TMEM185B: variants seen among roughly 807,000 people sequenced by gnomAD.
TMEM185B encodes ee3_2.
Under a neutral mutation model 26.2 loss-of-function variants are expected in TMEM185B, and 9 were observed. That is an observed-to-expected ratio of 0.34 (90% CI 0.21 to 0.60). The LOEUF is 0.60. Among genes scored for constraint, TMEM185B ranks in the 20% least tolerant of loss-of-function variants. The pLI is 0.80. For missense variants in TMEM185B, 392 were observed against 447.9 expected (o/e 0.88, Z 1.13); for synonymous variants, 204 against 191.8 (o/e 1.06, Z -0.52).
chr2:120,219,933 GA>G lies in TMEM185B; in HGVS notation c.*1990del, dbSNP rs149329314. On this transcript the variant is annotated 3_prime_UTR_variant, in exon 1 of 1. Transcript: ENST00000426077. ...TTCAAGAAATATTGAGAATATGAAT[GA>G]ATCAATGAATCCTTATTTATAAAAA... Among the ~76,000 whole-genome samples, 221 of 152,274 alleles carry G rather than the reference GA, an allele frequency of 1.5e-3. 7 individuals are homozygous for G. The East Asian group carries it at 0.04, about 27-fold the overall frequency.
At position 120,218,416 on chromosome 2, in the gene TMEM185B, G is replaced by A. The variant is rs945976339; in HGVS notation, c.*3508C>T. On this transcript the variant is annotated 3_prime_UTR_variant, in exon 1 of 1. Transcript: ENST00000426077. ...TGGGTTTCCAGCCACACAACTTCCC[G>A]GATCCCTGTGAACTTGCTGGGCTTC... Among the ~76,000 whole-genome samples the A allele has an allele frequency of 3.3e-5, 5 of 152,198 alleles. No homozygotes were observed. The East Asian group carries it at 7.7e-4, about 23-fold the overall frequency.
rs1688524764 is a variant in TMEM185B at position 120,217,679 on chromosome 2, G to A, written c.*4245C>T. 6.6e-6 allele frequency among the ~76,000 whole-genome samples: 1 copy of A among 152,212 alleles called. No individual in the cohort carries two copies. The highest frequency in any genetic ancestry group is 2.4e-5 in the African/African-American group (1 of 41,454). ...TCATAGCTGCTTCCGCCTTCGGTCT[G>A]TTGCAGTATGGTATCCTGACTGAAG... On this transcript the variant is annotated 3_prime_UTR_variant, in exon 1 of 1. Coordinates refer to ENST00000426077, the MANE Select transcript of TMEM185B (RefSeq NM_024121.3).
At position 120,221,954 on chromosome 2, in the gene TMEM185B, AG is replaced by A; in HGVS notation, c.1022del (p.Pro341LeufsTer4). 12 of 1,531,676 alleles carry A rather than the reference AG, an allele frequency of 7.8e-6. No individual in the cohort carries two copies. The highest frequency in any genetic ancestry group is 9.6e-6 in the Non-Finnish European group (11 of 1,144,984). 94.9% of individuals were successfully genotyped at this position (1,531,676 alleles called of 1,614,324 possible). A position where few individuals can be genotyped will look rare whatever the true frequency, so the allele number is the denominator to read the frequency against. On this transcript the variant is annotated frameshift_variant, in exon 1 of 1. Transcript: ENST00000426077. LOFTEE classifies it high-confidence loss of function. ...CTGGCATATCAATATTTAACTTGGGAGGGGGGGGAACGTATTTCCCAGGGCT... is the reference window on the plus strand; with the variant it reads ...CTGGCATATCAATATTTAACTTGGGAGGGGGGGAACGTATTTCCCAGGGCT... ...TQSPGKYVPP[P>X]PKLNIDMPD
Position 120,218,588 on chromosome 2 carries a change from G to C in TMEM185B, c.*3336C>G, listed in dbSNP as rs1479097630. Reference sequence around the variant, plus strand: ...GCTGGGCTCCCTGCGCCCAGGCTTCGCCTTTCCAAAGCGCCTTGCATAGCC... The same window carrying C: ...GCTGGGCTCCCTGCGCCCAGGCTTCCCCTTTCCAAAGCGCCTTGCATAGCC... On this transcript the variant is annotated 3_prime_UTR_variant, in exon 1 of 1. Transcript: ENST00000426077. 6.6e-6 allele frequency among the ~76,000 whole-genome samples: 1 copy of C among 152,222 alleles called. No individual in the cohort carries two copies. The highest frequency in any genetic ancestry group is 1.5e-5 in the Non-Finnish European group (1 of 68,030).
At position 120,219,171 on chromosome 2, in the gene TMEM185B, G is replaced by A. The variant is rs764786002; in HGVS notation, c.*2753C>T. Among the ~76,000 whole-genome samples the A allele has an allele frequency of 7.4e-4, 112 of 152,218 alleles. No homozygotes were observed. Among genetic ancestry groups the A allele is most frequent in the Non-Finnish European group, 1.2e-3 (83 of 68,042 alleles). On this transcript the variant is annotated 3_prime_UTR_variant, in exon 1 of 1. Coordinates refer to ENST00000426077, the MANE Select transcript of TMEM185B (RefSeq NM_024121.3). The stretch of plus-strand genomic sequence containing the variant: ...TAGACTACCCAAGAATGGGAATCTA[G>A]TTGTAGACCACTGAGATTTCTGATG...
rs868151112 is a variant in TMEM185B at position 120,222,397 on chromosome 2, G to C, written c.580C>G (p.Leu194Val). ...ACATCCAGGGACCGCAGGAACAGGAGGGACCAGACGATGTAATAGAGGACG... is the reference window on the plus strand; with the variant it reads ...ACATCCAGGGACCGCAGGAACAGGACGGACCAGACGATGTAATAGAGGACG... ...LVVLYYIVWS[L>V]LFLRSLDVVA... Residue 194 changes from leucine (L) to valine (V), a missense_variant, in exon 1 of 1, where the codon CTC (leucine) becomes GTC (valine). This residue lies in a region of TMEM185B where 176 missense variants were observed against 201.6 expected (regional missense o/e 0.87). Coordinates refer to ENST00000426077, the MANE Select transcript of TMEM185B (RefSeq NM_024121.3). The C allele has an allele frequency of 4.6e-6, 7 of 1,536,104 alleles. No individual in the cohort carries two copies. The highest frequency in any genetic ancestry group is 2.6e-6 in the Non-Finnish European group (3 of 1,146,944).
chr2:120,221,802 G>A lies in TMEM185B; in HGVS notation c.*122C>T. On this transcript the variant is annotated 3_prime_UTR_variant, in exon 1 of 1. Transcript: ENST00000426077. ...ATCTATGATGCATACTGATGAGGCGGTGATCTCAAACACGGCGTGAGACGA... is the reference window on the plus strand; with the variant it reads ...ATCTATGATGCATACTGATGAGGCGATGATCTCAAACACGGCGTGAGACGA... The A allele has an allele frequency of 1.3e-6, 1 of 794,358 alleles. No individual in the cohort carries two copies. The highest frequency in any genetic ancestry group is 1.9e-6 in the Non-Finnish European group (1 of 514,826). The allele number at this position is 794,358 out of a possible 1,614,324, so 49.2% of individuals were successfully genotyped here.
rs1236805953 is a variant in TMEM185B, at chr2:120,221,218, C to A, written c.*706G>T. The A allele has an allele frequency of 6.6e-6, 1 of 152,196 alleles. No homozygotes were observed. The highest frequency in any genetic ancestry group is 1.5e-5 in the Non-Finnish European group (1 of 68,046). The allele number at this position is 152,196 out of a possible 1,614,324, so 9.4% of individuals were successfully genotyped here. ...CCTAGTACTTTGGTAAGATCCACAC[C>A]AGGCACATACTGTTTTATGCAGTTT... On this transcript the variant is annotated 3_prime_UTR_variant, in exon 1 of 1. Coordinates refer to ENST00000426077, the MANE Select transcript of TMEM185B (RefSeq NM_024121.3).
Position 120,218,672 on chromosome 2 carries a change from G to A in TMEM185B, c.*3252C>T, listed in dbSNP as rs942588217. Among the ~76,000 whole-genome samples, 2 of 151,582 alleles carry A rather than the reference G, an allele frequency of 1.3e-5. No homozygotes were observed. Among genetic ancestry groups the A allele is most frequent in the African/African-American group, 2.4e-5 (1 of 41,434 alleles). The stretch of plus-strand genomic sequence containing the variant: ...AAAACTGTCCCGTGTGGAGTACTCC[G>A]GCCTCACCACTGCTAACTGAGGGGC... On this transcript the variant is annotated 3_prime_UTR_variant, in exon 1 of 1. Coordinates refer to ENST00000426077, the MANE Select transcript of TMEM185B (RefSeq NM_024121.3).
In TMEM185B at chr2:120,217,753, T is replaced by C. The variant is rs1688526150; in HGVS notation, c.*4171A>G. ...GAAGGACCTTGAGGACCCTCAGGGG[T>C]CCTTGGACCACACTGCCGAGGGCAT... On this transcript the variant is annotated 3_prime_UTR_variant, in exon 1 of 1. Transcript: ENST00000426077. Among the ~76,000 whole-genome samples, 1 of 152,066 alleles carries C rather than the reference T, an allele frequency of 6.6e-6. No individual in the cohort carries two copies. The highest frequency in any genetic ancestry group is 6.6e-5 in the Admixed American group (1 of 15,254).
rs1318686127 is a variant in TMEM185B at position 120,220,880 on chromosome 2, A to T, written c.*1044T>A. Among the ~76,000 whole-genome samples the T allele has an allele frequency of 6.6e-6, 1 of 152,216 alleles. No individual in the cohort carries two copies. The highest frequency in any genetic ancestry group is 1.5e-5 in the Non-Finnish European group (1 of 68,036). On this transcript the variant is annotated 3_prime_UTR_variant, in exon 1 of 1. Transcript: ENST00000426077. ...CTTAAAATGACACCTGCTTCTACTG[A>T]CCACTTCCGGTTAAGGCCACTCTCT...
In TMEM185B at chr2:120,222,993, T is replaced by G; in HGVS notation, c.-17A>C. The G allele has an allele frequency of 7.1e-7, 1 of 1,410,596 alleles. No individual in the cohort carries two copies. The highest frequency in any genetic ancestry group is 1.6e-5 in the South Asian group (1 of 62,702). 87.4% of individuals were successfully genotyped at this position (1,410,596 alleles called of 1,614,324 possible). On this transcript the variant is annotated 5_prime_UTR_variant, in exon 1 of 1. Transcript: ENST00000426077. ...GGGGTTCATGGCGGAGGCCGCCGCTTGCCTGCCCGGGCCTGCTCCCTCGCG... is the reference window on the plus strand; with the variant it reads ...GGGGTTCATGGCGGAGGCCGCCGCTGGCCTGCCCGGGCCTGCTCCCTCGCG...
Position 120,218,311 on chromosome 2 carries a change from G to A in TMEM185B, c.*3613C>T, listed in dbSNP as rs1325695921. On this transcript the variant is annotated 3_prime_UTR_variant, in exon 1 of 1. Coordinates refer to ENST00000426077, the MANE Select transcript of TMEM185B (RefSeq NM_024121.3). ...GGGTGCAGCTGGAGGCTCCCTTTTT[G>A]TGGGTGTCATGCTGTCAGTGGTGGT... 6.6e-6 allele frequency among the ~76,000 whole-genome samples: 1 copy of A among 152,184 alleles called. No individual in the cohort carries two copies. The highest frequency in any genetic ancestry group is 1.5e-5 in the Non-Finnish European group (1 of 68,030).
At position 120,220,680 on chromosome 2, in the gene TMEM185B, G is replaced by A. The variant is rs758974602; in HGVS notation, c.*1244C>T. Among the ~76,000 whole-genome samples the A allele has an allele frequency of 6.4e-4, 97 of 152,170 alleles. No individual in the cohort carries two copies. Among genetic ancestry groups the A allele is most frequent in the Non-Finnish European group, 1.1e-3 (77 of 68,042 alleles). On this transcript the variant is annotated 3_prime_UTR_variant, in exon 1 of 1. Coordinates refer to ENST00000426077, the MANE Select transcript of TMEM185B (RefSeq NM_024121.3). ...GGAGGCGGAGGCTGCGGCGAGCTGA[G>A]ATCAAGATTGTGCCATTGCACTCCA... is the stretch of plus-strand genomic sequence containing the variant.
rs924849556 is a variant in TMEM185B at position 120,222,895 on chromosome 2, G to A, written c.82C>T (p.Leu28=). The A allele has an allele frequency of 6.9e-7, 1 of 1,458,306 alleles. No homozygotes were observed. Among genetic ancestry groups the A allele is most frequent in the Admixed American group, 2.7e-5 (1 of 36,576 alleles). The allele number at this position is 1,458,306 out of a possible 1,614,324, so 90.3% of individuals were successfully genotyped here. A position where few individuals can be genotyped will look rare whatever the true frequency, so the allele number is the denominator to read the frequency against. ...ATGATGCCGTCCAGGCGGAGGGGCAGCAGCACCGAGAAGAGCAGCAGGCAG... is the reference window on the plus strand; with the variant it reads ...ATGATGCCGTCCAGGCGGAGGGGCAACAGCACCGAGAAGAGCAGCAGGCAG... ...YTCLLLFSVL[L]PLRLDGIIQW... The change falls in exon 1 of 1, where the codon CTG becomes TTG. Residue 28 remains leucine, a synonymous_variant. Coordinates refer to ENST00000426077, the MANE Select transcript of TMEM185B (RefSeq NM_024121.3).
chr2:120,220,571 A>C lies in TMEM185B; in HGVS notation c.*1353T>G, dbSNP rs1688569909. Among the ~76,000 whole-genome samples the C allele has an allele frequency of 6.6e-6, 1 of 152,148 alleles. No individual in the cohort carries two copies. Among genetic ancestry groups the C allele is most frequent in the South Asian group, 2.1e-4 (1 of 4,816 alleles). On this transcript the variant is annotated 3_prime_UTR_variant, in exon 1 of 1. Coordinates refer to ENST00000426077, the MANE Select transcript of TMEM185B (RefSeq NM_024121.3). ...CATGGAGAAACCCTGTCTCTATTAAAAATACGAAATTAGCCAGGCGTGGTG... is the reference window on the plus strand; with the variant it reads ...CATGGAGAAACCCTGTCTCTATTAACAATACGAAATTAGCCAGGCGTGGTG...
Position 120,222,467 on chromosome 2 carries a change from C to T in TMEM185B, c.510G>A (p.Val170=), listed in dbSNP as rs767810999. Residue 170 remains valine (V), a synonymous_variant, in exon 1 of 1, where the codon GTG becomes GTA. Transcript: ENST00000426077. ...TGAGGATCCACAGGGGCACAAACACCACCAGCCACGGCCAGTGAATAATCC... is the reference window on the plus strand; with the variant it reads ...TGAGGATCCACAGGGGCACAAACACTACCAGCCACGGCCAGTGAATAATCC... The part of the protein sequence containing the change: ...LDRIIHWPWL[V]VFVPLWILMS... The T allele has an allele frequency of 6.4e-5, 98 of 1,536,086 alleles. No individual in the cohort carries two copies. The South Asian group carries it at 7.5e-4, about 12-fold the overall frequency.
rs900308086 is a variant in TMEM185B at position 120,218,574 on chromosome 2, T to C, written c.*3350A>G. 1.3e-5 allele frequency among the ~76,000 whole-genome samples: 2 copies of C among 152,258 alleles called. No homozygotes were observed. The highest frequency in any genetic ancestry group is 2.9e-5 in the Non-Finnish European group (2 of 68,042). ...CTTCTACCTACATGGCTGGGCTCCC[T>C]GCGCCCAGGCTTCGCCTTTCCAAAG... On this transcript the variant is annotated 3_prime_UTR_variant, in exon 1 of 1. Coordinates refer to ENST00000426077, the MANE Select transcript of TMEM185B (RefSeq NM_024121.3).
In TMEM185B at chr2:120,223,395, G is replaced by C. The variant is rs957394729; in HGVS notation, c.-419C>G. 2 of 155,334 alleles carry C rather than the reference G, an allele frequency of 1.3e-5. No homozygotes were observed. Among genetic ancestry groups the C allele is most frequent in the African/African-American group, 2.4e-5 (1 of 41,590 alleles). 9.6% of individuals were successfully genotyped at this position (155,334 alleles called of 1,614,324 possible). ...CAGGCGACTCCGGGAACATGGAGGC[G>C]GGAGTGAGCTCACATCCTCCCTGCC... On this transcript the variant is annotated 5_prime_UTR_variant, in exon 1 of 1. Transcript: ENST00000426077.
Sources: allele counts gnomAD v4.1 joint callset (sites outside exome capture counted in the v4.1 genomes callset), GRCh38; gene constraint gnomAD v4.1.1; regional missense constraint gnomAD v4.1.1; transcripts MANE v1.5; gene names NCBI Gene and HGNC (gene_info 2026-07-23, HGNC 2026-07-21).